Variants in PHACTR4 observed in about 807,000 individuals in gnomAD.
PHACTR4 encodes the protein phosphatase and actin regulator 4.
PHACTR4 carries 51 observed loss-of-function variants against 72.7 expected under a neutral mutation model. The ratio of observed to expected loss-of-function variants is 0.70; its 90% confidence interval spans 0.56 to 0.89. The LOEUF (loss-of-function observed/expected upper bound fraction) is 0.89, where lower values mean the gene tolerates loss of function less well. Among genes scored for constraint, PHACTR4 ranks in the 40% least tolerant of loss-of-function variants. PHACTR4 has a pLI of 0.00. For missense variants in PHACTR4, 731 were observed against 861.8 expected (o/e 0.85, Z 1.90); for synonymous variants, 255 against 302.5 (o/e 0.84, Z 1.63).
chr1:28,400,295 C>G (rs1040977033), intron 1 of PHACTR4, among the ~76,000 whole-genome samples: 1 of 150,998 alleles, frequency 6.6e-6, no homozygotes, highest in Non-Finnish European at 1.5e-5. Context: ...ATCGCTTGAA[C>G]CTGGGAGTCG....
rs1661384113 is a variant in PHACTR4 at position 28,496,703 on chromosome 1, T to G, written c.*154T>G. The G allele has an allele frequency of 1.2e-6, 1 of 852,952 alleles. No individual in the cohort carries two copies. The highest frequency in any genetic ancestry group is 1.9e-5 in the Admixed American group (1 of 51,652). 52.8% of individuals were successfully genotyped at this position (852,952 alleles called of 1,614,324 possible). A position where few individuals can be genotyped will look rare whatever the true frequency, so the allele number is the denominator to read the frequency against. The stretch of plus-strand genomic sequence containing the variant: ...CAGCACTTTGAATGTAGCATTTCAC[T>G]GGAACAGAGTCTTATGTGCTGCACC... On this transcript the variant is annotated 3_prime_UTR_variant, in exon 14 of 14. Coordinates refer to ENST00000373839, the MANE Select transcript of PHACTR4 (RefSeq NM_001048183.3).
In PHACTR4 at chr1:28,474,051, G is replaced by A; in HGVS notation, c.1321G>A (p.Ala441Thr). Residue 441 changes from alanine to threonine, a missense_variant, in exon 7 of 14, where the codon GCT becomes ACT. Around this residue, in one of 2 missense-constraint regions of PHACTR4, gnomAD observed 621 missense variants for 676.6 expected, o/e 0.92. Coordinates refer to ENST00000373839, the MANE Select transcript of PHACTR4 (RefSeq NM_001048183.3). ...TCCTATTCTGGAGGGTTCTCACAGA[G>A]CTCATTCGTTGCTTTTTGAAAACAG... ...MTPILEGSHR[A>T]HSLLFENSDS... 2 of 1,614,204 alleles carry A rather than the reference G, an allele frequency of 1.2e-6. No homozygotes were observed. The highest frequency in any genetic ancestry group is 1.7e-6 in the Non-Finnish European group (2 of 1,180,040).
intron 1 of PHACTR4, among the ~76,000 whole-genome samples, chr1:28,371,984 C>T (rs575675532): frequency 5.9e-5 from 9 of 151,948 alleles, no homozygotes; most frequent in African/African-American, 2.2e-4. Flanking sequence ...TGGTTTCAAG[C>T]GATTCTCCTG....
chr1:28,441,409 T>C (rs116032682), intron 2 of PHACTR4, among the ~76,000 whole-genome samples: 4 of 152,286 alleles, frequency 2.6e-5, no homozygotes, highest in Admixed American at 1.3e-4. Context: ...TTTAAGTTAA[T>C]TGATTCCCTT....
intron 7 of PHACTR4, among the ~76,000 whole-genome samples, chr1:28,474,717 A>G (rs1209231753): frequency 2.0e-5 from 3 of 150,734 alleles, no homozygotes; most frequent in African/African-American, 7.3e-5. Context: ...TGATTTTTGT[A>G]TTTTTAGTGG....
At chr1:28,421,923 AC>A (rs1302178513) in intron 2 of PHACTR4, among the ~76,000 whole-genome samples, 1 of 152,130 alleles carries the variant, frequency 6.6e-6, no homozygotes, top group African/African-American at 2.4e-5. Context: ...TCCTAACCCC[AC>A]CCCAAAGGTG....
chr1:28,393,601 TATA>T (rs1306664338), intron 1 of PHACTR4, among the ~76,000 whole-genome samples: 1 of 152,208 alleles, frequency 6.6e-6, no homozygotes, highest in Non-Finnish European at 1.5e-5. Flanking sequence ...ATGTATAGTA[TATA>T]ATACTTGATA....
At chr1:28,427,803 C>G (rs533395014) in intron 2 of PHACTR4, among the ~76,000 whole-genome samples, 1 of 152,220 alleles carries the variant, frequency 6.6e-6, no homozygotes, top group African/African-American at 2.4e-5. Flanking sequence ...GTCCCAACAC[C>G]TAGAATGATA....
intron 2 of PHACTR4, among the ~76,000 whole-genome samples, chr1:28,446,714 G>T (rs1557820329): frequency 6.6e-6 from 1 of 152,078 alleles, no homozygotes; most frequent in South Asian, 2.1e-4. Context: ...TGGAGGCGGA[G>T]GTTGTCGTGA....
At chr1:28,451,578 T>TA (rs1657977631) in intron 2 of PHACTR4, among the ~76,000 whole-genome samples, 1 of 151,980 alleles carries the variant, frequency 6.6e-6, no homozygotes, top group Admixed American at 6.6e-5. Context: ...TGCCCAGTGT[T>TA]ATTGTAGCAG....
intron 2 of PHACTR4, among the ~76,000 whole-genome samples, chr1:28,458,052 C>T (rs1453828952): frequency 6.6e-6 from 1 of 150,454 alleles, no homozygotes; most frequent in South Asian, 2.1e-4. Context: ...CAGTTCTGCA[C>T]ATGTATCATG....
chr1:28,400,368 A>T (rs1018249647), intron 1 of PHACTR4, among the ~76,000 whole-genome samples: 2 of 133,236 alleles, frequency 1.5e-5, no homozygotes, highest in Non-Finnish European at 3.2e-5. Flanking sequence ...GCAAGACTCC[A>T]TCTCAATTAA....
At chr1:28,395,265 A>G (rs1032081672) in intron 1 of PHACTR4, among the ~76,000 whole-genome samples, 10 of 6,768 alleles carry the variant, frequency 1.5e-3, no homozygotes, top group East Asian at 0.25. Context: ...AATGTGATAC[A>G]TAACGATGCC....
At chr1:28,430,034 T>A (rs1424911584) in intron 2 of PHACTR4, among the ~76,000 whole-genome samples, 1 of 152,106 alleles carries the variant, frequency 6.6e-6, no homozygotes, top group Admixed American at 6.6e-5. Context: ...GGTTCTTTTT[T>A]TTTTTTGAGA....
intron 13 of PHACTR4, among the ~76,000 whole-genome samples, chr1:28,495,628 A>ATTT (rs1391904527): frequency 4.8e-5 from 7 of 145,494 alleles, no homozygotes; most frequent in African/African-American, 7.5e-5. Context: ...TTTTTTTTTT[A>ATTT]TTTTTTGAGA....
intron 1 of PHACTR4, among the ~76,000 whole-genome samples, chr1:28,377,179 C>G (rs1651746531): frequency 6.6e-6 from 1 of 151,828 alleles, no homozygotes; most frequent in African/African-American, 2.4e-5. Flanking sequence ...CTCAGGTGAT[C>G]CACCTACCTT....
chr1:28,422,845 G>A (rs890411390), intron 2 of PHACTR4, among the ~76,000 whole-genome samples: 9 of 152,166 alleles, frequency 5.9e-5, no homozygotes, highest in African/African-American at 2.2e-4. Context: ...GGAGTGCAGT[G>A]GTGCCATCTC....
chr1:28,435,287 CAG>C (rs778952390), intron 2 of PHACTR4, among the ~76,000 whole-genome samples: 2 of 152,132 alleles, frequency 1.3e-5, no homozygotes, highest in Non-Finnish European at 2.9e-5. Flanking sequence ...TTCTTCGAGA[CAG>C]AGTCTCGCCC....
chr1:28,441,695 A>C (rs1332100379), intron 2 of PHACTR4, among the ~76,000 whole-genome samples: 1 of 152,244 alleles, frequency 6.6e-6, no homozygotes, highest in Non-Finnish European at 1.5e-5. Context: ...ATTTATCTAG[A>C]TAAAACATTG....
Sources: gnomAD v4.1 joint callset for allele counts (sites outside exome capture counted in the v4.1 genomes callset) on GRCh38, gnomAD v4.1.1 for gene constraint, gnomAD v4.1.1 regional missense constraint, MANE v1.5 for transcripts, NCBI Gene and HGNC (gene_info 2026-07-23, HGNC 2026-07-21) for gene names.